NPSR1: variants seen among roughly 807,000 people sequenced by gnomAD.
The protein encoded by NPSR1 is neuropeptide S receptor 1.
Under a neutral mutation model 46.9 loss-of-function variants are expected in NPSR1, and 48 were observed. The ratio of observed to expected loss-of-function variants is 1.02; its 90% confidence interval spans 0.81 to 1.30. The LOEUF is 1.30. Among genes scored for constraint, NPSR1 ranks in the 50% most tolerant of loss-of-function variants. The pLI is 0.00. For synonymous variants in NPSR1, 176 were observed against 168.1 expected (o/e 1.05, Z -0.36); for missense variants, 450 against 449.5 (o/e 1.00, Z -0.01).
chr7:34,762,389 T>C (rs1371653346), intron 2 of NPSR1, among the ~76,000 whole-genome samples: 1 of 152,116 alleles, frequency 6.6e-6, no homozygotes, highest in Non-Finnish European at 1.5e-5. Flanking sequence ...TATTGTAAAA[T>C]GAGCCCAAAA....
At chr7:34,708,871 G>A (rs1400089626) in intron 2 of NPSR1, among the ~76,000 whole-genome samples, 7 of 152,176 alleles carry the variant, frequency 4.6e-5, no homozygotes, top group Non-Finnish European at 1.0e-4. Flanking sequence ...TGAGTGGTGA[G>A]CAGTAAACTT....
chr7:34,774,608 G>A (rs1786859881), intron 2 of NPSR1, among the ~76,000 whole-genome samples: 1 of 152,208 alleles, frequency 6.6e-6, no homozygotes, highest in Admixed American at 6.5e-5. Flanking sequence ...TACTGAAAAT[G>A]GATGGCATTG....
At chr7:34,808,229 C>A (rs1788806030) in intron 3 of NPSR1, among the ~76,000 whole-genome samples, 1 of 152,094 alleles carries the variant, frequency 6.6e-6, no homozygotes, top group African/African-American at 2.4e-5. Flanking sequence ...TATTTTTGCC[C>A]AGTAGAACTA....
chr7:34,736,010 G>A (rs891874737), intron 2 of NPSR1, among the ~76,000 whole-genome samples: 1 of 152,184 alleles, frequency 6.6e-6, no homozygotes, highest in Non-Finnish European at 1.5e-5. Flanking sequence ...ACAGGGATGA[G>A]AAGGATCATT....
chr7:34,750,721 G>A, intron 2 of NPSR1: 1 of 697,866 alleles, frequency 1.4e-6, no homozygotes, highest in South Asian at 1.4e-5. Flanking sequence ...AGTCAAAATT[G>A]CCAAGCATCT....
chr7:34,719,967 T>G (rs1374801491), intron 2 of NPSR1, among the ~76,000 whole-genome samples: 1 of 150,944 alleles, frequency 6.6e-6, no homozygotes, highest in African/African-American at 2.4e-5. Context: ...ATGCCACACT[T>G]AGTTTCAAAA....
intron 5 of NPSR1, among the ~76,000 whole-genome samples, chr7:34,833,724 T>C (rs895378862): frequency 5.3e-5 from 8 of 152,180 alleles, no homozygotes; most frequent in Non-Finnish European, 1.0e-4. Flanking sequence ...TTCAAGTTGT[T>C]TATCCAGGGC....
intron 2 of NPSR1, chr7:34,761,082 G>A (rs1786150266): frequency 6.5e-6 from 1 of 152,822 alleles, no homozygotes; most frequent in African/African-American, 2.4e-5. Flanking sequence ...CCTAGAAAAT[G>A]AAATGATCTT....
At chr7:34,866,451 T>C (rs753285780) in intron 8 of NPSR1, among the ~76,000 whole-genome samples, 1 of 151,722 alleles carries the variant, frequency 6.6e-6, no homozygotes, top group Non-Finnish European at 1.5e-5. Flanking sequence ...TGGAGGAAAC[T>C]ATTCACAGAG....
Position 34,862,375 on chromosome 7 carries a change from T to C in NPSR1, c.1025+13712T>C, listed in dbSNP as rs183608627. Among the ~76,000 whole-genome samples the C allele has an allele frequency of 1.1e-4, 16 of 151,878 alleles. No homozygotes were observed. The East Asian group carries it at 2.7e-3, about 26-fold the overall frequency. On this transcript the variant is annotated intron_variant, in intron 8 of 8. Coordinates refer to the NPSR1 transcript ENST00000359791. ...CCAGAATCAGCCCTGGGGCCTCCTC[T>C]GAACTCTTAGGATAACTCTACCCTT...
Position 34,796,336 on chromosome 7 carries a change from G to C in NPSR1, c.385-15434G>C, listed in dbSNP as rs144809735. Among the ~76,000 whole-genome samples, 194 of 152,120 alleles carry C rather than the reference G, an allele frequency of 1.3e-3. 1 individual carries two copies. Among genetic ancestry groups the C allele is most frequent in the African/African-American group, 4.6e-3 (189 of 41,512 alleles). On this transcript the variant is annotated intron_variant, in intron 3 of 8. Transcript: ENST00000360581. ...CATGAAAAAAAGAACTGATAAGCTG[G>C]CATTTATTAAAATTAAAATTAAAAT...
intron 1 of NPSR1, among the ~76,000 whole-genome samples, chr7:34,659,908 T>C (rs776784963): frequency 1.3e-5 from 2 of 152,086 alleles, no homozygotes; most frequent in Non-Finnish European, 2.9e-5. Flanking sequence ...TTGATATTCT[T>C]AGAACATGAT....
At chr7:34,670,898 A>C (rs1307666099) in intron 1 of NPSR1, among the ~76,000 whole-genome samples, 1 of 152,110 alleles carries the variant, frequency 6.6e-6, no homozygotes, top group Non-Finnish European at 1.5e-5. Flanking sequence ...AGAGTAAATC[A>C]GAACAACTTA....
rs988648217 is a variant in NPSR1 at position 34,666,047 on chromosome 7, C to T, written c.147+7488C>T. Among the ~76,000 whole-genome samples, 6 of 152,174 alleles carry T rather than the reference C, an allele frequency of 3.9e-5. No individual in the cohort carries two copies. The East Asian group carries it at 1.2e-3, about 29-fold the overall frequency. ...AGTTTACTGCTAATATCTCAATAAGCTCATGTGAATGAATTTGGGTAGATA... is the reference window on the plus strand; with the variant it reads ...AGTTTACTGCTAATATCTCAATAAGTTCATGTGAATGAATTTGGGTAGATA... On this transcript the variant is annotated intron_variant, in intron 1 of 8. Transcript: ENST00000360581.
intron 2 of NPSR1, among the ~76,000 whole-genome samples, chr7:34,723,074 G>C (rs531665577): frequency 1.3e-5 from 2 of 152,112 alleles, no homozygotes; most frequent in African/African-American, 4.8e-5. Context: ...TGGAAACTGT[G>C]AACAAATTAA....
At chr7:34,834,151 A>G (rs1210177646) in intron 5 of NPSR1, 2 of 546,884 alleles carry the variant, frequency 3.7e-6, no homozygotes, top group Non-Finnish European at 6.5e-6. Flanking sequence ...AGGAAACTGC[A>G]TAACTTTACC....
At chr7:34,687,026 T>G (rs887473659) in intron 2 of NPSR1, among the ~76,000 whole-genome samples, 1 of 151,032 alleles carries the variant, frequency 6.6e-6, no homozygotes, top group Non-Finnish European at 1.5e-5. Context: ...TATTCTGCTC[T>G]CTCTTCTAAA....
At chr7:34,714,532 G>A (rs982435039) in intron 2 of NPSR1, among the ~76,000 whole-genome samples, 4 of 152,318 alleles carry the variant, frequency 2.6e-5, no homozygotes, top group African/African-American at 9.6e-5. Context: ...AAACTCTCCT[G>A]TAGAAGGACT....
At chr7:34,812,893 A>T (rs953541899) in intron 4 of NPSR1, among the ~76,000 whole-genome samples, 1 of 152,232 alleles carries the variant, frequency 6.6e-6, no homozygotes, top group Non-Finnish European at 1.5e-5. Flanking sequence ...CATTCCACAC[A>T]ATTTGGATCT....
Sources: allele counts gnomAD v4.1 joint callset (sites outside exome capture counted in the v4.1 genomes callset), GRCh38; gene constraint gnomAD v4.1.1; transcripts MANE v1.5; gene names NCBI Gene and HGNC (gene_info 2026-07-23, HGNC 2026-07-21).